COL19A1: variants seen among roughly 807,000 people sequenced by gnomAD.
COL19A1 encodes the protein collagen alpha-1(XIX) chain.
A neutral mutation model predicts 190.2 loss-of-function variants in COL19A1; 159 were observed. That is an observed-to-expected ratio of 0.84 (90% CI 0.73 to 0.95). COL19A1 has a LOEUF of 0.95. Ranked by LOEUF, COL19A1 falls within the 40% of genes least tolerant of loss-of-function variation. COL19A1 has a pLI of 0.00. For synonymous variants in COL19A1, 509 were observed against 458.9 expected, an observed-to-expected ratio of 1.11 and a Z score of -1.39; for missense variants, 1,418 against 1,431.9, an observed-to-expected ratio of 0.99 and a Z score of 0.16.
At chr6:69,889,475 T>C (rs975403531) in intron 2 of COL19A1, among the ~76,000 whole-genome samples, 7 of 152,170 alleles carry the variant, frequency 4.6e-5, no homozygotes, top group African/African-American at 1.7e-4. Flanking sequence ...AGTGGGGACT[T>C]GGAGAACTTT....
intron 7 of COL19A1, among the ~76,000 whole-genome samples, chr6:69,936,238 GT>G (rs942551842): frequency 9.9e-5 from 15 of 152,144 alleles, no homozygotes; most frequent in Non-Finnish European, 1.5e-4. Flanking sequence ...CTTGTCTGTT[GT>G]AGTGGAGACC....
chr6:70,173,848 G>C (rs1765645897), intron 41 of COL19A1, among the ~76,000 whole-genome samples: 1 of 152,158 alleles, frequency 6.6e-6, no homozygotes, highest in African/African-American at 2.4e-5. Flanking sequence ...ATATCAGACT[G>C]CTTATATGCT....
At chr6:69,949,552 A>AT (rs1774008062) in intron 9 of COL19A1, among the ~76,000 whole-genome samples, 1 of 151,908 alleles carries the variant, frequency 6.6e-6, no homozygotes, top group Non-Finnish European at 1.5e-5. Flanking sequence ...TTTTAAAATC[A>AT]TCCTCATGAG....
intron 11 of COL19A1, among the ~76,000 whole-genome samples, chr6:69,989,133 A>G (rs748018965): frequency 5.3e-5 from 8 of 152,112 alleles, no homozygotes; most frequent in Non-Finnish European, 8.8e-5. Flanking sequence ...ATAGGTTTCT[A>G]AGTAAATTAC....
At chr6:69,954,558 C>T (rs1774305022) in intron 9 of COL19A1, among the ~76,000 whole-genome samples, 1 of 152,042 alleles carries the variant, frequency 6.6e-6, no homozygotes, top group African/African-American at 2.4e-5. Context: ...ACAAGGGAAT[C>T]TCTTCTTTGC....
At chr6:70,194,387 A>G (rs1324109839) in intron 48 of COL19A1, among the ~76,000 whole-genome samples, 2 of 152,128 alleles carry the variant, frequency 1.3e-5, no homozygotes, top group Non-Finnish European at 2.9e-5. Context: ...CAGGCCACCT[A>G]ACCTCCCTTC....
In COL19A1 at chr6:70,083,733, C is replaced by A. The variant is rs572892267; in HGVS notation, c.1224+15257C>A. ...TCTGAAAATTAACCAGCAAAATATA[C>A]AATGAATTCTCAGCTATGCAACATA... On this transcript the variant is annotated intron_variant, in intron 15 of 50. Coordinates refer to ENST00000620364, the MANE Select transcript of COL19A1 (RefSeq NM_001858.6). Among the ~76,000 whole-genome samples the A allele has an allele frequency of 1.2e-3, 178 of 152,256 alleles. 2 individuals are homozygous for A. The highest frequency in any genetic ancestry group is 4.1e-3 in the African/African-American group (171 of 41,558).
chr6:70,026,286 C>T (rs1279965805), intron 12 of COL19A1, among the ~76,000 whole-genome samples: 1 of 152,144 alleles, frequency 6.6e-6, no homozygotes, highest in African/African-American at 2.4e-5. Context: ...ACTATATTCC[C>T]AAACTCTCTG....
chr6:69,982,352 TGCCTCA>T lies in COL19A1; in HGVS notation c.1026+19488_1026+19493del, dbSNP rs75761473. Among the ~76,000 whole-genome samples, 458 of 149,596 alleles carry T rather than the reference TGCCTCA, an allele frequency of 3.1e-3. 1 individual carries two copies. The highest frequency in any genetic ancestry group is 6.8e-3 in the Middle Eastern group (2 of 294). ...CGCCTCCCAGGTCAAGCGATTTTCC[TGCCTCA>T]GCCTCCCCAGTAGCTAGGATTACAG... On this transcript the variant is annotated intron_variant, in intron 11 of 50. Coordinates refer to ENST00000620364, the MANE Select transcript of COL19A1 (RefSeq NM_001858.6).
chr6:70,051,221 A>T (rs1780182125), intron 14 of COL19A1, among the ~76,000 whole-genome samples: 1 of 152,172 alleles, frequency 6.6e-6, no homozygotes, highest in Non-Finnish European at 1.5e-5. Context: ...GAATAAATGT[A>T]AGGAATATTT....
At chr6:69,967,932 ACG>A (rs1378148249) in intron 11 of COL19A1, among the ~76,000 whole-genome samples, 6 of 138,692 alleles carry the variant, frequency 4.3e-5, no homozygotes, top group African/African-American at 2.0e-4. Context: ...CGTAAAGTAC[ACG>A]TAGCGTAAAG....
intron 9 of COL19A1, among the ~76,000 whole-genome samples, chr6:69,955,689 T>C (rs1296794763): frequency 6.6e-6 from 1 of 151,872 alleles, no homozygotes; most frequent in Non-Finnish European, 1.5e-5. Flanking sequence ...GACCCGTGTG[T>C]GCCCAGAGAA....
intron 45 of COL19A1, 42 bp from the exon 46 acceptor site, chr6:70,184,829 T>A (rs771905627): frequency 3.1e-6 from 5 of 1,610,328 alleles, no homozygotes; most frequent in Admixed American, 1.7e-5. Context: ...TGATGAAAAA[T>A]CTTGGCAAGG....
chr6:70,005,999 A>T (rs1777595916), intron 11 of COL19A1, among the ~76,000 whole-genome samples: 1 of 152,152 alleles, frequency 6.6e-6, no homozygotes, highest in Non-Finnish European at 1.5e-5. Flanking sequence ...CAAGCCATTC[A>T]GTCTCCCTTG....
At chr6:69,871,973 C>T (rs1361484808) in intron 1 of COL19A1, among the ~76,000 whole-genome samples, 2 of 151,986 alleles carry the variant, frequency 1.3e-5, no homozygotes, top group East Asian at 3.9e-4. Context: ...CCTGTCACCA[C>T]ACCTGGCTAA....
rs1289092471 is a variant in COL19A1, at chr6:70,212,199, A to G, written c.*4925A>G. On this transcript the variant is annotated 3_prime_UTR_variant, in exon 51 of 51. Transcript: ENST00000620364. The stretch of plus-strand genomic sequence containing the variant: ...TTTTTCAGCACATTAATGTCTTTAA[A>G]TTCAGGTTGTATTGGGTGTATTTTA... 1.3e-5 allele frequency among the ~76,000 whole-genome samples: 2 copies of G among 152,182 alleles called. No homozygotes were observed. The highest frequency in any genetic ancestry group is 2.9e-5 in the Non-Finnish European group (2 of 68,040).
At position 70,209,423 on chromosome 6, in the gene COL19A1, T is replaced by C. The variant is rs574242253; in HGVS notation, c.*2149T>C. ...ATGGTAATCAACTTTTTTTGTTTTTTGGTTTTTGAGTTGTTCTTGTCATAG... is the reference window on the plus strand; with the variant it reads ...ATGGTAATCAACTTTTTTTGTTTTTCGGTTTTTGAGTTGTTCTTGTCATAG... On this transcript the variant is annotated 3_prime_UTR_variant, in exon 51 of 51. Transcript: ENST00000620364. 6.6e-6 allele frequency: 1 copy of C among 152,316 alleles called. No individual in the cohort carries two copies. Among genetic ancestry groups the C allele is most frequent in the South Asian group, 2.1e-4 (1 of 4,828 alleles). 9.4% of individuals were successfully genotyped at this position (152,316 alleles called of 1,614,324 possible).
At chr6:70,034,355 T>A in intron 13 of COL19A1, 57 bp downstream of exon 13, 1 of 1,290,452 alleles carries the variant, frequency 7.7e-7, no homozygotes, top group Non-Finnish European at 1.1e-6. Context: ...TGACAACCTA[T>A]GCAGTGACTT....
chr6:69,869,840 G>A lies in COL19A1; in HGVS notation c.-33+3200G>A, dbSNP rs370598486. Among the ~76,000 whole-genome samples, 5 of 152,314 alleles carry A rather than the reference G, an allele frequency of 3.3e-5. No individual in the cohort carries two copies. The East Asian group carries it at 7.7e-4, about 23-fold the overall frequency. On this transcript the variant is annotated intron_variant, in intron 1 of 50. Coordinates refer to ENST00000620364, the MANE Select transcript of COL19A1 (RefSeq NM_001858.6). Reference sequence around the variant, plus strand: ...TGCTCAAAGGGAATCCCAGGTTTGAGACCCTCTGGAATGTAGACACTAGTT... The same window carrying A: ...TGCTCAAAGGGAATCCCAGGTTTGAAACCCTCTGGAATGTAGACACTAGTT...
Sources: allele counts gnomAD v4.1 joint callset (sites outside exome capture counted in the v4.1 genomes callset), GRCh38; gene constraint gnomAD v4.1.1; transcripts MANE v1.5; gene names NCBI Gene and HGNC (gene_info 2026-07-23, HGNC 2026-07-21).